The following TBXAS1 variants were observed in gnomAD, a reference collection of about 807,000 sequenced individuals.
TBXAS1 encodes the protein thromboxane A synthase 1.
Under a neutral mutation model 60.7 loss-of-function variants are expected in TBXAS1, and 48 were observed. The ratio of observed to expected loss-of-function variants is 0.79; its 90% CI spans 0.63 to 1.01. The LOEUF is 1.01. TBXAS1 is among the 50% of genes least tolerant of loss of function. The pLI, the probability that TBXAS1 is intolerant of heterozygous loss-of-function variation, is 0.00. For synonymous variants in TBXAS1, 287 were observed against 269.7 expected (o/e 1.06, Z -0.63); for missense variants, 685 against 686.3 (o/e 1.00, Z 0.02).
At chr7:139,783,895 C>T (rs767328611) in intron 3 of TBXAS1, among the ~76,000 whole-genome samples, 2 of 152,102 alleles carry the variant, frequency 1.3e-5, no homozygotes, top group Non-Finnish European at 2.9e-5. Flanking sequence ...TTAGCCCCTC[C>T]CCTGCTTGAT....
chr7:139,965,218 C>CA (rs34111163), intron 9 of TBXAS1, among the ~76,000 whole-genome samples: 17,923 of 141,898 alleles, frequency 0.13, 1,216 homozygotes, highest in Non-Finnish European at 0.16. Flanking sequence ...AACTCCGTCT[C>CA]AAAAAAAAAA....
chr7:139,965,894 T>C (rs1810753256), intron 9 of TBXAS1, among the ~76,000 whole-genome samples: 1 of 151,784 alleles, frequency 6.6e-6, no homozygotes, highest in Admixed American at 6.6e-5. Context: ...TTTAATTTTT[T>C]TTTTTTTTAC....
chr7:139,865,846 A>G lies in TBXAS1; in HGVS notation c.90-6389A>G, dbSNP rs1393708078. Among the ~76,000 whole-genome samples, 13 of 87,022 alleles carry G rather than the reference A, an allele frequency of 1.5e-4. 1 individual carries two copies. The highest frequency in any genetic ancestry group is 6.6e-4 in the African/African-American group (13 of 19,694). The allele number at this position is 87,022 out of a possible 152,430, so 57.1% of individuals were successfully genotyped here. On this transcript the variant is annotated intron_variant, in intron 1 of 12. Transcript: ENST00000448866. ...GAGGGAGGGAGGGGGGAAAGGAAGA[A>G]GGAAGGAGGGAGGGAGGAAGGAAGG...
chr7:139,906,254 C>T (rs185090363), intron 3 of TBXAS1: 1 of 167,394 alleles, frequency 6.0e-6, no homozygotes, highest in East Asian at 1.9e-4. Context: ...ATGGGGTTTA[C>T]CATGTTGGCC....
intron 9 of TBXAS1, among the ~76,000 whole-genome samples, chr7:139,983,756 C>G (rs1380269343): frequency 6.6e-6 from 1 of 152,136 alleles, no homozygotes; most frequent in East Asian, 1.9e-4. Context: ...TTGTCATAAA[C>G]AAATTTCAAA....
intron 1 of TBXAS1, among the ~76,000 whole-genome samples, chr7:139,832,412 G>GA (rs35098819): frequency 0.69 from 103,551 of 151,168 alleles, 37,297 homozygotes; most frequent in East Asian, 0.92. Context: ...CAAAGACAAA[G>GA]AAAAAAAATA....
upstream of TBXAS1, among the ~76,000 whole-genome samples, chr7:139,828,971 A>T (rs1798532146): frequency 6.6e-6 from 1 of 152,248 alleles, no homozygotes; most frequent in Non-Finnish European, 1.5e-5. Flanking sequence ...GTAGATATAG[A>T]TATAGATATA....
At chr7:139,977,176 G>A (rs1811624877) in intron 9 of TBXAS1, among the ~76,000 whole-genome samples, 1 of 152,120 alleles carries the variant, frequency 6.6e-6, no homozygotes, top group Non-Finnish European at 1.5e-5. Context: ...CCGTTTTCAC[G>A]CTGCTGATAA....
intron 4 of TBXAS1, among the ~76,000 whole-genome samples, chr7:139,793,035 A>G (rs1797436756): frequency 6.6e-6 from 1 of 152,220 alleles, no homozygotes; most frequent in Non-Finnish European, 1.5e-5. Flanking sequence ...TATGTAATTG[A>G]ATGGTTATCT....
intron 4 of TBXAS1, among the ~76,000 whole-genome samples, chr7:139,817,581 C>T (rs138659573): frequency 7.5e-4 from 114 of 152,248 alleles, no homozygotes; most frequent in Non-Finnish European, 1.4e-3. Flanking sequence ...ACGGGGTGTC[C>T]AGAGGACGCA....
rs879357311 is a variant in TBXAS1, at chr7:139,929,169, C to T, written c.334-7022C>T. On this transcript the variant is annotated intron_variant, in intron 4 of 12. Coordinates refer to ENST00000448866, the MANE Select transcript of TBXAS1 (RefSeq NM_001061.7). Reference sequence around the variant, plus strand: ...AGTTTTGGTGCCGCAAAAGAAATAGCACTCAAATATAAAATTTTCTTTTTA... The same window carrying T: ...AGTTTTGGTGCCGCAAAAGAAATAGTACTCAAATATAAAATTTTCTTTTTA... Among the ~76,000 whole-genome samples, 17 of 152,324 alleles carry T rather than the reference C, an allele frequency of 1.1e-4. 1 individual carries two copies. The highest frequency in any genetic ancestry group is 3.3e-4 in the Admixed American group (5 of 15,300).
intron 1 of TBXAS1, among the ~76,000 whole-genome samples, chr7:139,847,355 C>A (rs1799887397): frequency 6.6e-6 from 1 of 151,746 alleles, no homozygotes. Flanking sequence ...AGTAAATAAG[C>A]CCCGCTAAGC....
upstream of TBXAS1, among the ~76,000 whole-genome samples, chr7:139,824,716 G>A (rs1039307659): frequency 6.6e-6 from 1 of 152,050 alleles, no homozygotes; most frequent in East Asian, 1.9e-4. Flanking sequence ...AATACAAGAG[G>A]ATAGGAATTA....
At chr7:140,017,009 T>C (rs1022596864) in intron 11 of TBXAS1, among the ~76,000 whole-genome samples, 4 of 152,240 alleles carry the variant, frequency 2.6e-5, no homozygotes, top group African/African-American at 9.6e-5. Flanking sequence ...CCACCTAGCT[T>C]CACTGTCATG....
chr7:139,875,942 G>A (rs1025621336), intron 3 of TBXAS1: 10 of 442,664 alleles, frequency 2.3e-5, no homozygotes, highest in South Asian at 4.5e-5. Context: ...GTGTTGCCAC[G>A]GGATGTGGTG....
intron 4 of TBXAS1, among the ~76,000 whole-genome samples, chr7:139,823,675 A>G (rs1349600302): frequency 1.3e-5 from 2 of 152,142 alleles, no homozygotes; most frequent in African/African-American, 4.8e-5. Context: ...CCAAGATGTG[A>G]TCTTAGATTT....
intron 4 of TBXAS1, among the ~76,000 whole-genome samples, chr7:139,792,033 A>G (rs1797401947): frequency 6.6e-6 from 1 of 152,196 alleles, no homozygotes; most frequent in Admixed American, 6.5e-5. Flanking sequence ...GCTATATCCC[A>G]TAGAAAGCAC....
chr7:139,782,817 G>A (rs766215345), intron 3 of TBXAS1: 1 of 152,124 alleles, frequency 6.6e-6, no homozygotes, highest in Non-Finnish European at 1.5e-5. Flanking sequence ...CTTTCTGACT[G>A]TGTGTCTAAT....
chr7:139,818,948 C>T (rs1014693940), intron 4 of TBXAS1, among the ~76,000 whole-genome samples: 4 of 152,230 alleles, frequency 2.6e-5, no homozygotes, highest in Admixed American at 2.0e-4. Flanking sequence ...GCTAGTCCCT[C>T]TCCATCCCTG....
Sources: gnomAD v4.1 joint callset for allele counts (sites outside exome capture counted in the v4.1 genomes callset) on GRCh38, gnomAD v4.1.1 for gene constraint, MANE v1.5 for transcripts, NCBI Gene and HGNC (gene_info 2026-07-23, HGNC 2026-07-21) for gene names.